The following PRKG1 variants were observed in gnomAD, a reference collection of about 807,000 sequenced individuals.
The protein encoded by PRKG1 is protein kinase cGMP-dependent 1, also known as cGMP-dependent protein kinase 1.
PRKG1 carries 35 observed loss-of-function variants against 88.1 expected under a neutral mutation model. That is an observed-to-expected ratio of 0.40 (90% CI 0.30 to 0.53). The LOEUF is 0.53. PRKG1 is among the 20% of genes least tolerant of loss of function. PRKG1 has a pLI of 0.59. For synonymous variants in PRKG1, 303 were observed against 292.5 expected (o/e 1.04, Z -0.37); for missense variants, 540 against 839.8 (o/e 0.64, Z 4.41).
At chr10:51,422,401 T>G (rs1019148079) in intron 2 of PRKG1, among the ~76,000 whole-genome samples, 3 of 152,224 alleles carry the variant, frequency 2.0e-5, no homozygotes, top group Admixed American at 2.0e-4. Context: ...AAGCTGTGCC[T>G]GCATTGATTA....
chr10:51,889,060 CTTTTT>C (rs35369136), intron 4 of PRKG1, among the ~76,000 whole-genome samples: 1 of 145,656 alleles, frequency 6.9e-6, no homozygotes, highest in African/African-American at 2.5e-5. Context: ...AACACACATT[CTTTTT>C]TTTTTTTTTA....
chr10:51,398,256 A>G (rs1354959096), intron 2 of PRKG1, among the ~76,000 whole-genome samples: 2 of 152,180 alleles, frequency 1.3e-5, no homozygotes, highest in Non-Finnish European at 2.9e-5. Context: ...TCAGATCATC[A>G]GTCATTAATT....
At chr10:52,038,089 G>C (rs1234285869) in intron 5 of PRKG1, among the ~76,000 whole-genome samples, 1 of 152,258 alleles carries the variant, frequency 6.6e-6, no homozygotes, top group African/African-American at 2.4e-5. Flanking sequence ...TGGCTATTTG[G>C]AACTACTGTC....
chr10:52,186,934 T>C (rs1273977628), intron 9 of PRKG1, among the ~76,000 whole-genome samples: 2 of 152,196 alleles, frequency 1.3e-5, no homozygotes, highest in African/African-American at 2.4e-5. Flanking sequence ...AATTTGTATT[T>C]GACAAGACTT....
chr10:51,870,880 G>T (rs1463592041), intron 4 of PRKG1, among the ~76,000 whole-genome samples: 1 of 152,100 alleles, frequency 6.6e-6, no homozygotes, highest in East Asian at 1.9e-4. Flanking sequence ...ATTTGTAACA[G>T]TTGCTCATGG....
intron 2 of PRKG1, among the ~76,000 whole-genome samples, chr10:51,402,310 C>A (rs1016254041): frequency 6.6e-6 from 1 of 152,176 alleles, no homozygotes; most frequent in Admixed American, 6.5e-5. Flanking sequence ...CTATTTTCTC[C>A]ATGATGAAAA....
At chr10:51,766,659 G>A (rs1838171178) in intron 3 of PRKG1, among the ~76,000 whole-genome samples, 1 of 152,078 alleles carries the variant, frequency 6.6e-6, no homozygotes, top group African/African-American at 2.4e-5. Context: ...ACTCTCTGGG[G>A]TCTCTTCCTA....
chr10:52,106,519 G>A (rs1196941931), intron 7 of PRKG1, among the ~76,000 whole-genome samples: 1 of 151,990 alleles, frequency 6.6e-6, no homozygotes, highest in Non-Finnish European at 1.5e-5. Flanking sequence ...CAAGTTACTA[G>A]ATCATGTACT....
intron 2 of PRKG1, among the ~76,000 whole-genome samples, chr10:51,243,984 C>T (rs912063233): frequency 2.6e-5 from 4 of 152,128 alleles, no homozygotes; most frequent in African/African-American, 9.7e-5. Flanking sequence ...ACAAATGTAA[C>T]AAACGAGTTT....
intron 9 of PRKG1, among the ~76,000 whole-genome samples, chr10:52,207,166 G>A (rs561121238): frequency 5.3e-5 from 8 of 152,174 alleles, no homozygotes; most frequent in African/African-American, 1.9e-4. Context: ...GAGGGGAGGC[G>A]AGGTCTACTT....
intron 7 of PRKG1, among the ~76,000 whole-genome samples, chr10:52,126,357 A>G (rs1299830324): frequency 2.0e-5 from 3 of 152,086 alleles, no homozygotes; most frequent in Non-Finnish European, 4.4e-5. Context: ...ATAAAGGTGG[A>G]TTTTCTAATT....
At chr10:51,411,965 A>G (rs1377453927) in intron 2 of PRKG1, among the ~76,000 whole-genome samples, 1 of 152,194 alleles carries the variant, frequency 6.6e-6, no homozygotes, top group Non-Finnish European at 1.5e-5. Flanking sequence ...TAATATTTAG[A>G]TTTGATTTAG....
chr10:52,185,775 A>T (rs1839184721), intron 9 of PRKG1, among the ~76,000 whole-genome samples: 1 of 152,200 alleles, frequency 6.6e-6, no homozygotes, highest in Non-Finnish European at 1.5e-5. Context: ...TTTACACCAC[A>T]GGGAAGCCAC....
chr10:51,148,470 C>A lies in PRKG1; in HGVS notation c.312-4694C>A, dbSNP rs560994584. Among the ~76,000 whole-genome samples, 16 of 152,162 alleles carry A rather than the reference C, an allele frequency of 1.1e-4. No homozygotes were observed. The East Asian group carries it at 2.9e-3, about 28-fold the overall frequency. ...TATGTCTTTTAAAGTGCCTGGAAGT[C>A]TTTTTTAATCAAAGAGATCAGATGT... On this transcript the variant is annotated intron_variant, in intron 1 of 17. Coordinates refer to ENST00000373980, the MANE Select transcript of PRKG1 (RefSeq NM_006258.4).
intron 4 of PRKG1, among the ~76,000 whole-genome samples, chr10:51,875,939 CTTTTCTTTCTTTCTT>C (rs1841287665): frequency 8.8e-6 from 1 of 113,108 alleles, no homozygotes. Context: ...TTATTCCTTT[CTTTTCTTTCTTTCTT>C]TTTTTTTTTT....
At chr10:51,408,409 T>C (rs1390621528) in intron 2 of PRKG1, among the ~76,000 whole-genome samples, 2 of 152,212 alleles carry the variant, frequency 1.3e-5, no homozygotes, top group African/African-American at 4.8e-5. Flanking sequence ...CTGTATGGAA[T>C]ACCACAGTGG....
intron 5 of PRKG1, among the ~76,000 whole-genome samples, chr10:51,916,289 A>G (rs1025871524): frequency 1.3e-5 from 2 of 152,158 alleles, no homozygotes; most frequent in Non-Finnish European, 2.9e-5. Flanking sequence ...CAAAACTAAT[A>G]CAATATGGTG....
chr10:52,012,736 G>A (rs1039318096), intron 5 of PRKG1, among the ~76,000 whole-genome samples: 6 of 152,144 alleles, frequency 3.9e-5, no homozygotes, highest in African/African-American at 1.4e-4. Flanking sequence ...GAGATGAGGA[G>A]GTATAATTAG....
At chr10:51,945,684 G>C (rs2133040429) in intron 5 of PRKG1, among the ~76,000 whole-genome samples, 1 of 150,386 alleles carries the variant, frequency 6.6e-6, no homozygotes, top group Non-Finnish European at 1.5e-5. Context: ...TTGCTTGTCT[G>C]TAAAGGATTT....
Sources: allele counts gnomAD v4.1 joint callset (sites outside exome capture counted in the v4.1 genomes callset), GRCh38; gene constraint gnomAD v4.1.1; transcripts MANE v1.5; gene names NCBI Gene and HGNC (gene_info 2026-07-23, HGNC 2026-07-21).